Variants in INPP5A observed in about 807,000 individuals in gnomAD.
INPP5A encodes the protein 43 kDa inositol polyphosphate 5-phophatase.
A neutral mutation model predicts 65.2 loss-of-function variants in INPP5A; 14 were observed. That is an observed-to-expected ratio of 0.21 (90% CI 0.14 to 0.34). The LOEUF is 0.34. Ranked by LOEUF, INPP5A falls within the 10% of genes least tolerant of loss-of-function variation. The pLI, the probability that INPP5A is intolerant of heterozygous loss-of-function variation, is 1.00. For missense variants in INPP5A, 431 were observed against 545.6 expected (o/e 0.79, Z 2.09); for synonymous variants, 207 against 208.3 (o/e 0.99, Z 0.05).
chr10:132,708,463 C>T, intron 7 of INPP5A, 98 bp downstream of exon 7: 1 of 1,259,144 alleles, frequency 7.9e-7, no homozygotes, highest in Non-Finnish European at 1.2e-6. Context: ...GGAGGCTCTA[C>T]TGATTTTGCA....
intron 1 of INPP5A, among the ~76,000 whole-genome samples, chr10:132,583,167 A>C (rs1383165769): frequency 6.6e-6 from 1 of 152,132 alleles, no homozygotes; most frequent in Non-Finnish European, 1.5e-5. Context: ...ATTGTTACGT[A>C]GTTTATGTTT....
intron 2 of INPP5A, among the ~76,000 whole-genome samples, chr10:132,636,781 C>T (rs1018977994): frequency 6.6e-6 from 1 of 152,198 alleles, no homozygotes; most frequent in Admixed American, 6.5e-5. Context: ...TTGAAGGATG[C>T]TTTGCTGGAT....
chr10:132,694,508 G>A (rs1190922866), intron 5 of INPP5A, among the ~76,000 whole-genome samples: 1 of 152,036 alleles, frequency 6.6e-6, no homozygotes, highest in Non-Finnish European at 1.5e-5. Context: ...GAGAAGAAAA[G>A]AAAATTCCAA....
At chr10:132,738,629 G>T (rs1009304115) in intron 9 of INPP5A, among the ~76,000 whole-genome samples, 1 of 152,252 alleles carries the variant, frequency 6.6e-6, no homozygotes, top group South Asian at 2.1e-4. Context: ...TCTAGCTGGC[G>T]TGAGAGCAAG....
At chr10:132,761,112 C>T (rs984011003) in intron 11 of INPP5A, among the ~76,000 whole-genome samples, 11 of 152,236 alleles carry the variant, frequency 7.2e-5, no homozygotes, top group African/African-American at 1.7e-4. Context: ...ACGTCTGGTT[C>T]GACCTCGACT....
chr10:132,585,854 G>A (rs991656591), intron 1 of INPP5A, among the ~76,000 whole-genome samples: 7 of 152,090 alleles, frequency 4.6e-5, no homozygotes, highest in African/African-American at 1.7e-4. Flanking sequence ...TGTCCTTTCG[G>A]GTGTCCACTG....
At chr10:132,763,417 A>G (rs1846768377) in intron 11 of INPP5A, among the ~76,000 whole-genome samples, 1 of 152,250 alleles carries the variant, frequency 6.6e-6, no homozygotes, top group South Asian at 2.1e-4. Context: ...CCTCAAACTC[A>G]AGCTCCAGAA....
chr10:132,648,668 T>C (rs1022191464), intron 3 of INPP5A, among the ~76,000 whole-genome samples: 8 of 152,262 alleles, frequency 5.3e-5, no homozygotes, highest in Non-Finnish European at 1.0e-4. Context: ...TTGTCAATTT[T>C]TTTTCCTCTC....
chr10:132,688,949 CA>C (rs1391022840), intron 4 of INPP5A, among the ~76,000 whole-genome samples: 3 of 151,114 alleles, frequency 2.0e-5, no homozygotes, highest in Non-Finnish European at 4.4e-5. Context: ...TGCCTGTGAG[CA>C]AATGCATGTT....
chr10:132,777,741 C>T lies in INPP5A; in HGVS notation c.1048C>T (p.Arg350Cys). ...MNTRCPAWCDRILMSPSAKEL... is the reference protein window; with the variant it reads ...MNTRCPAWCDCILMSPSAKEL... ...CACCCGGTGCCCAGCCTGGTGTGAC[C>T]GCATCCTCATGTCCCCGTCTGCCAA... is the stretch of plus-strand genomic sequence containing the variant. Residue 350 changes from arginine to cysteine, a missense_variant, in exon 13 of 16, where the codon CGC becomes TGC. Coordinates refer to ENST00000368594, the MANE Select transcript of INPP5A (RefSeq NM_005539.5). 1.2e-6 allele frequency: 2 copies of T among 1,613,124 alleles called. No homozygotes were observed. The highest frequency in any genetic ancestry group is 1.3e-5 in the African/African-American group (1 of 75,064).
chr10:132,690,594 C>T (rs1303005848), intron 5 of INPP5A, 139 bp downstream of exon 5: 1 of 645,042 alleles, frequency 1.6e-6, no homozygotes, highest in Admixed American at 2.7e-5. Context: ...CCAGAGGTCA[C>T]TCCAGGGGCC....
chr10:132,623,998 T>C (rs1038509479), intron 2 of INPP5A, among the ~76,000 whole-genome samples: 2 of 152,122 alleles, frequency 1.3e-5, no homozygotes, highest in Non-Finnish European at 1.5e-5. Flanking sequence ...GTAAAAACAG[T>C]ACAGAAACCC....
rs982555018 is a variant in INPP5A, at chr10:132,707,062, C to T, written c.475-1251C>T. ...GAGAGCCTCTGATCACTGCGCTCTCCGTGTTAGATAGAGGGAGCACGCCAC... is the reference window on the plus strand; with the variant it reads ...GAGAGCCTCTGATCACTGCGCTCTCTGTGTTAGATAGAGGGAGCACGCCAC... On this transcript the variant is annotated intron_variant, in intron 6 of 15. Transcript: ENST00000368594. The surrounding 1 kb of genome is among the most constrained non-coding windows in gnomAD (Gnocchi z 5.5). Among the ~76,000 whole-genome samples the T allele has an allele frequency of 1.2e-4, 18 of 152,204 alleles. No individual in the cohort carries two copies. The highest frequency in any genetic ancestry group is 2.7e-4 in the African/African-American group (11 of 41,448).
chr10:132,570,045 T>C, intron 1 of INPP5A, among the ~76,000 whole-genome samples: 1 of 147,002 alleles, frequency 6.8e-6, no homozygotes, highest in Admixed American at 7.0e-5. Context: ...GGTGATCCAC[T>C]CACCTCAGTC....
rs564341913 is a variant in INPP5A at position 132,746,193 on chromosome 10, G to A, written c.733-3324G>A. Among the ~76,000 whole-genome samples, 23 of 152,354 alleles carry A rather than the reference G, an allele frequency of 1.5e-4. 1 individual carries two copies. The highest frequency in any genetic ancestry group is 1.1e-3 in the Admixed American group (17 of 15,304). ...GAGCCCAGGCGCCTGCTGGCTGTGC[G>A]TGCGGTGCCTGGAGGCTACAGCCAG... On this transcript the variant is annotated intron_variant, in intron 9 of 15. Transcript: ENST00000368594.
At chr10:132,763,282 A>G (rs1846766317) in intron 11 of INPP5A, among the ~76,000 whole-genome samples, 1 of 152,228 alleles carries the variant, frequency 6.6e-6, no homozygotes, top group Admixed American at 6.5e-5. Flanking sequence ...TGGTGCCTGC[A>G]GAGCCAAGAA....
intron 1 of INPP5A, among the ~76,000 whole-genome samples, chr10:132,541,214 G>A (rs774541006): frequency 6.6e-6 from 1 of 152,196 alleles, no homozygotes; most frequent in Non-Finnish European, 1.5e-5. Context: ...CTGGGCCCAA[G>A]CAATCCACCT....
At position 132,782,218 on chromosome 10, in the gene INPP5A, G is replaced by A. The variant is rs971389964; in HGVS notation, c.*189G>A. On this transcript the variant is annotated 3_prime_UTR_variant, in exon 16 of 16. Coordinates refer to ENST00000368594, the MANE Select transcript of INPP5A (RefSeq NM_005539.5). This position sits in a 1 kb window ranked among gnomAD's most constrained non-coding sequence, Gnocchi z 4.4. Reference sequence around the variant, plus strand: ...GCAGCCTCACATACCTCACTGTCTCGTCTGTCTATGTGACATTAAGTAGAA... The same window carrying A: ...GCAGCCTCACATACCTCACTGTCTCATCTGTCTATGTGACATTAAGTAGAA... 8.4e-4 allele frequency: 590 copies of A among 704,920 alleles called. 1 individual carries two copies. The highest frequency in any genetic ancestry group is 1.1e-3 in the Admixed American group (43 of 37,654). The allele number at this position is 704,920 out of a possible 1,614,324, so 43.7% of individuals were successfully genotyped here.
chr10:132,603,152 G>A lies in INPP5A; in HGVS notation c.76-4763G>A, dbSNP rs35253505. On this transcript the variant is annotated intron_variant, in intron 1 of 15. Transcript: ENST00000368594. This position sits in a 1 kb window ranked among gnomAD's most constrained non-coding sequence, Gnocchi z 4.2. ...TCTCCTGCTGACGTCTCTGCCTTCCGAAGCTACAAAGGGGAAGAGTTGGGC... is the reference window on the plus strand; with the variant it reads ...TCTCCTGCTGACGTCTCTGCCTTCCAAAGCTACAAAGGGGAAGAGTTGGGC... Among the ~76,000 whole-genome samples, 6,407 of 152,238 alleles carry A rather than the reference G, an allele frequency of 0.042. 195 individuals are homozygous for A. The highest frequency in any genetic ancestry group is 0.068 in the Non-Finnish European group (4,654 of 68,006).
Sources: gnomAD v4.1 joint callset for allele counts (sites outside exome capture counted in the v4.1 genomes callset) on GRCh38, gnomAD v4.1.1 for gene constraint, Gnocchi (gnomAD v3.1) non-coding constraint, MANE v1.5 for transcripts, NCBI Gene and HGNC (gene_info 2026-07-23, HGNC 2026-07-21) for gene names.